Variants in NT5C1A observed in about 807,000 individuals in gnomAD.
NT5C1A encodes cytosolic 5'-nucleotidase 1A.
In NT5C1A, 18 loss-of-function variants were observed where a neutral mutation model predicts 31.0. The ratio of observed to expected loss-of-function variants is 0.58; its 90% confidence interval spans 0.40 to 0.86. NT5C1A has a LOEUF of 0.86. Ranked by LOEUF, NT5C1A falls within the 40% of genes least tolerant of loss-of-function variation. The pLI is 0.00. For missense variants in NT5C1A, 470 were observed against 505.4 expected, an observed-to-expected ratio of 0.93 and a Z score of 0.67; for synonymous variants, 185 against 203.6, an observed-to-expected ratio of 0.91 and a Z score of 0.78.
At position 39,663,329 on chromosome 1, in the gene NT5C1A, C is replaced by T. The variant is rs774238276; in HGVS notation, c.539G>A (p.Arg180Gln). The T allele has an allele frequency of 3.7e-6, 6 of 1,614,058 alleles. No individual in the cohort carries two copies. Among genetic ancestry groups the T allele is most frequent in the Middle Eastern group, 1.6e-4 (1 of 6,084 alleles). Residue 180 changes from arginine (R) to glutamine (Q), a missense_variant, in exon 4 of 6, where the codon CGA becomes CAA. Coordinates refer to ENST00000235628, the MANE Select transcript of NT5C1A (RefSeq NM_032526.3). Reference sequence around the variant, plus strand: ...AGACTTACCCTCATCAATGGCTTCTCGCACTTTTTCCGCATCGGCTGACAA... The same window carrying T: ...AGACTTACCCTCATCAATGGCTTCTTGCACTTTTTCCGCATCGGCTGACAA... ...LYLSADAEKV[R>Q]EAIDEGIAAA...
chr1:39,665,826 G>T (rs1014922798), intron 2 of NT5C1A, among the ~76,000 whole-genome samples, 176 bp from the exon 3 acceptor site: 1 of 152,216 alleles, frequency 6.6e-6, no homozygotes, highest in African/African-American at 2.4e-5. Flanking sequence ...GCTAGAGAGA[G>T]TCGGGGCTGA....
intron 1 of NT5C1A, among the ~76,000 whole-genome samples, chr1:39,668,745 G>A (rs999417010): frequency 9.8e-5 from 15 of 152,310 alleles, no homozygotes; most frequent in Admixed American, 5.9e-4. Flanking sequence ...TGATCAGGGC[G>A]TGCCCACAAA....
Position 39,666,229 on chromosome 1 carries a change from G to C in NT5C1A, c.143C>G (p.Pro48Arg). The change falls in exon 2 of 6, where the codon CCT becomes CGT. Residue 48 changes from proline to arginine, a missense_variant. Coordinates refer to ENST00000235628, the MANE Select transcript of NT5C1A (RefSeq NM_032526.3). ...APKKKPKSPK[P>R]QNAVTIAVSS... ...CACAGCGATGGTGACTGCATTCTGA[G>C]GCTTGGGCTGCAGAGGTATGGGAGA... The C allele has an allele frequency of 6.2e-7, 1 of 1,613,384 alleles. No individual in the cohort carries two copies. Among genetic ancestry groups the C allele is most frequent in the Non-Finnish European group, 8.5e-7 (1 of 1,179,908 alleles).
chr1:39,663,245 C>G, intron 4 of NT5C1A, 67 bp downstream of exon 4: 1 of 1,596,414 alleles, frequency 6.3e-7, no homozygotes, highest in Non-Finnish European at 8.6e-7. Context: ...AACTTCAGGA[C>G]CAGGCCTCCC....
Position 39,666,127 on chromosome 1 carries a change from T to C in NT5C1A, c.245A>G (p.Tyr82Cys). The C allele has an allele frequency of 6.2e-7, 1 of 1,613,612 alleles. No homozygotes were observed. The highest frequency in any genetic ancestry group is 1.1e-5 in the South Asian group (1 of 91,084). Residue 82 changes from tyrosine (Y) to cysteine (C), a missense_variant, in exon 2 of 6, where the codon TAC becomes TGC. Transcript: ENST00000235628. ...GGGTTCGTTCTCATGTTCCAGCTGG[T>C]AGCGCACGTACTCCTCCACGCCCTG... ...TEQGVEEYVR[Y>C]QLEHENEPFS... is the part of the protein sequence containing the mutation.
Position 39,659,039 on chromosome 1 carries a change from AACTAGAGGGATCT to A in NT5C1A, c.*69_*81del, listed in dbSNP as rs752750593. The A allele has an allele frequency of 3.6e-5, 53 of 1,490,554 alleles. No homozygotes were observed. Among genetic ancestry groups the A allele is most frequent in the Non-Finnish European group, 4.6e-5 (51 of 1,117,262 alleles). The allele number at this position is 1,490,554 out of a possible 1,614,324, so 92.3% of individuals were successfully genotyped here. On this transcript the variant is annotated 3_prime_UTR_variant, in exon 6 of 6. Transcript: ENST00000235628. ...CAGGCAGAAGGACAGAACAGTGAGA[AACTAGAGGGATCT>A]ACCAGAGGAGGTGTCGAAGTATGTC...
At position 39,651,805 on chromosome 1, in the gene NT5C1A, G is replaced by A. The variant is rs1016708228; in HGVS notation, c.*7316C>T. Among the ~76,000 whole-genome samples, 1 of 151,964 alleles carries A rather than the reference G, an allele frequency of 6.6e-6. No individual in the cohort carries two copies. Among genetic ancestry groups the A allele is most frequent in the Non-Finnish European group, 1.5e-5 (1 of 68,010 alleles). ...AGCACTTTGGGAGGCAGAGGCTGGT[G>A]GATCACCTGAGGTCAGGAGTTCGAG... On this transcript the variant is annotated 3_prime_UTR_variant, in exon 6 of 6. Coordinates refer to ENST00000235628, the MANE Select transcript of NT5C1A (RefSeq NM_032526.3).
intron 3 of NT5C1A, among the ~76,000 whole-genome samples, chr1:39,664,926 G>T (rs1646513573): frequency 6.6e-6 from 1 of 152,148 alleles, no homozygotes; most frequent in Non-Finnish European, 1.5e-5. Flanking sequence ...GAAGAGCCGG[G>T]AGAGATTTCT....
chr1:39,668,183 CCCTGGAAG>C lies in NT5C1A; in HGVS notation c.136-1955_136-1948del, dbSNP rs1234721648. Among the ~76,000 whole-genome samples, 10 of 152,308 alleles carry C rather than the reference CCCTGGAAG, an allele frequency of 6.6e-5. No homozygotes were observed. In the East Asian group the frequency reaches 1.5e-3, roughly 23 times the overall value. On this transcript the variant is annotated intron_variant, in intron 1 of 5. Coordinates refer to ENST00000235628, the MANE Select transcript of NT5C1A (RefSeq NM_032526.3). ...GAGTGGGGAGACCCACTCTCATAAA[CCCTGGAAG>C]CCTGGAGGCCTTTGGAACAGGAGCT...
rs1646439125 is a variant in NT5C1A at position 39,652,833 on chromosome 1, T to C, written c.*6288A>G. On this transcript the variant is annotated 3_prime_UTR_variant, in exon 6 of 6. Transcript: ENST00000235628. ...CTTCCCAATTAAGGTCAATGGTAAGTCACTTCTGGGCCACATTAGAACACT... is the reference window on the plus strand; with the variant it reads ...CTTCCCAATTAAGGTCAATGGTAAGCCACTTCTGGGCCACATTAGAACACT... 6.6e-6 allele frequency among the ~76,000 whole-genome samples: 1 copy of C among 151,932 alleles called. No individual in the cohort carries two copies. The highest frequency in any genetic ancestry group is 1.5e-5 in the Non-Finnish European group (1 of 67,994).
intron 2 of NT5C1A, 56 bp from the exon 3 acceptor site, chr1:39,665,706 T>C: frequency 6.3e-7 from 1 of 1,577,826 alleles, no homozygotes; most frequent in Non-Finnish European, 8.6e-7. Context: ...TACCTGAAGT[T>C]GGTGGCCAAG....
At chr1:39,667,231 C>A (rs551260607) in intron 1 of NT5C1A, among the ~76,000 whole-genome samples, 3 of 134,456 alleles carry the variant, frequency 2.2e-5, no homozygotes, top group African/African-American at 8.4e-5. Context: ...GATGGAGTTT[C>A]ACTCTTGTTG....
intron 3 of NT5C1A, 70 bp from the exon 4 acceptor site, chr1:39,663,504 C>A: frequency 1.3e-6 from 2 of 1,501,996 alleles, no homozygotes; most frequent in Admixed American, 1.8e-5. Context: ...CTCTCTGTGC[C>A]CAGTGCACAC....
chr1:39,665,461 C>T (rs1435752199), intron 3 of NT5C1A, 60 bp downstream of exon 3: 3 of 1,529,664 alleles, frequency 2.0e-6, no homozygotes, highest in Admixed American at 3.9e-5. Flanking sequence ...TGGCCCCATC[C>T]CTGGGGGGTC....
Position 39,658,183 on chromosome 1 carries a change from C to T in NT5C1A, c.*938G>A, listed in dbSNP as rs189036798. Among the ~76,000 whole-genome samples, 147 of 152,354 alleles carry T rather than the reference C, an allele frequency of 9.6e-4. No individual in the cohort carries two copies. Among genetic ancestry groups the T allele is most frequent in the Non-Finnish European group, 1.1e-3 (72 of 68,038 alleles). On this transcript the variant is annotated 3_prime_UTR_variant, in exon 6 of 6. Coordinates refer to ENST00000235628, the MANE Select transcript of NT5C1A (RefSeq NM_032526.3). ...AAAGGAAACACTGAGCAGGCAGCTACTAATGCTTCTCCCGGGAAGAGCCTG... is the reference window on the plus strand; with the variant it reads ...AAAGGAAACACTGAGCAGGCAGCTATTAATGCTTCTCCCGGGAAGAGCCTG...
chr1:39,659,098 G>A lies in NT5C1A; in HGVS notation c.*23C>T. ...ATGTCAGGGAGCCTGGAGCAATGTG[G>A]ATCAGTAAAGCCGGTGGTTCAGCTA... On this transcript the variant is annotated 3_prime_UTR_variant, in exon 6 of 6. Transcript: ENST00000235628. 1 of 1,564,354 alleles carries A rather than the reference G, an allele frequency of 6.4e-7. No homozygotes were observed.
At position 39,666,207 on chromosome 1, in the gene NT5C1A, A is replaced by G. The variant is rs201224053; in HGVS notation, c.165T>C (p.Ala55=). The G allele has an allele frequency of 5.0e-5, 80 of 1,613,532 alleles. No homozygotes were observed. The African/African-American group carries it at 9.5e-4, about 19-fold the overall frequency. Reference sequence around the variant, plus strand: ...TGCGAAACAAGGCTCGGGAGGACACAGCGATGGTGACTGCATTCTGAGGCT... The same window carrying G: ...TGCGAAACAAGGCTCGGGAGGACACGGCGATGGTGACTGCATTCTGAGGCT... ...SPKPQNAVTI[A]VSSRALFRMD... Residue 55 remains alanine, a synonymous_variant, in exon 2 of 6, where the codon GCT becomes GCC. Coordinates refer to ENST00000235628, the MANE Select transcript of NT5C1A (RefSeq NM_032526.3).
rs373940789 is a variant in NT5C1A at position 39,661,089 on chromosome 1, G to A, written c.731C>T (p.Pro244Leu). Residue 244 changes from proline to leucine, a missense_variant, in exon 5 of 6, where the codon CCT becomes CTT. Pro to Leu is a moderately conservative substitution (Grantham distance 98, BLOSUM62 -3). Coordinates refer to ENST00000235628, the MANE Select transcript of NT5C1A (RefSeq NM_032526.3). Reference sequence around the variant, plus strand: ...GTCTATGGGGAGCACCTGAGCCAGAGGTTTGTTCTCGTGGGCCTTCTCATG... The same window carrying A: ...GTCTATGGGGAGCACCTGAGCCAGAAGTTTGTTCTCGTGGGCCTTCTCATG... ...FEHEKAHENK[P>L]LAQGPLKGFL... The A allele has an allele frequency of 5.1e-6, 8 of 1,582,190 alleles. No homozygotes were observed. In the African/African-American group the frequency reaches 6.7e-5, roughly 13 times the overall value.
rs755132405 is a variant in NT5C1A at position 39,654,529 on chromosome 1, G to C, written c.*4592C>G. Among the ~76,000 whole-genome samples the C allele has an allele frequency of 1.3e-5, 2 of 152,218 alleles. No homozygotes were observed. Among genetic ancestry groups the C allele is most frequent in the Non-Finnish European group, 2.9e-5 (2 of 68,048 alleles). On this transcript the variant is annotated 3_prime_UTR_variant, in exon 6 of 6. Coordinates refer to ENST00000235628, the MANE Select transcript of NT5C1A (RefSeq NM_032526.3). ...GGACAGCCAGCTGGGCTCATCCCCA[G>C]CCAAGGGCCCTGCTCCTGCCCTCTC...
Sources: allele counts gnomAD v4.1 joint callset (sites outside exome capture counted in the v4.1 genomes callset), GRCh38; gene constraint gnomAD v4.1.1; transcripts MANE v1.5; gene names NCBI Gene and HGNC (gene_info 2026-07-23, HGNC 2026-07-21).